The following DST variants were observed in gnomAD, a reference collection of about 807,000 sequenced individuals.
The protein encoded by DST is bullous pemphigoid antigen.
A neutral mutation model predicts 875.2 loss-of-function variants in DST; 253 were observed. That is an observed-to-expected ratio of 0.29 (90% CI 0.26 to 0.32). The LOEUF is 0.32. Among genes scored for constraint, DST ranks in the 10% least tolerant of loss-of-function variants. DST has a pLI of 1.00. For missense variants in DST, 8,287 were observed against 9,111.6 expected, an observed-to-expected ratio of 0.91 and a Z score of 3.68; for synonymous variants, 3,124 against 3,197.1, an observed-to-expected ratio of 0.98 and a Z score of 0.77.
At chr6:56,949,733 AAATT>A (rs1405467502) in intron 2 of DST, among the ~76,000 whole-genome samples, 1 of 152,258 alleles carries the variant, frequency 6.6e-6, no homozygotes, top group African/African-American at 2.4e-5. Context: ...AACTCTAGAC[AAATT>A]ATTTATTTAT....
intron 4 of DST, among the ~76,000 whole-genome samples, chr6:56,785,275 G>A (rs1008457734): frequency 6.6e-6 from 1 of 152,228 alleles, no homozygotes; most frequent in Non-Finnish European, 1.5e-5. Context: ...AGTCTGCAGA[G>A]GTTACTGCTG....
intron 4 of DST, among the ~76,000 whole-genome samples, chr6:56,769,188 TAAAA>T (rs2099642940): frequency 6.6e-6 from 1 of 152,050 alleles, no homozygotes; most frequent in African/African-American, 2.4e-5. Context: ...AATAAGCATA[TAAAA>T]AGATGCTCAA....
At chr6:56,586,873 A>T (rs181751366) in intron 49 of DST, among the ~76,000 whole-genome samples, 1 of 152,332 alleles carries the variant, frequency 6.6e-6, no homozygotes, top group African/African-American at 2.4e-5. Context: ...AGGAAAACTA[A>T]CAAACAGAAA....
chr6:56,781,273 C>T (rs1245408096), intron 4 of DST, among the ~76,000 whole-genome samples: 2 of 152,112 alleles, frequency 1.3e-5, no homozygotes, highest in Non-Finnish European at 2.9e-5. Flanking sequence ...TCATTGGTAG[C>T]TTGATGGGGA....
At chr6:56,785,544 C>T (rs550880704) in intron 4 of DST, among the ~76,000 whole-genome samples, 1 of 152,170 alleles carries the variant, frequency 6.6e-6, no homozygotes, top group African/African-American at 2.4e-5. Context: ...CCTGGTGCAC[C>T]GTTTCCTAAG....
At chr6:56,481,545 T>C (rs1286743639) in intron 90 of DST, among the ~76,000 whole-genome samples, 1 of 152,158 alleles carries the variant, frequency 6.6e-6, no homozygotes, top group Middle Eastern at 3.2e-3. Context: ...CTAAAAAGGA[T>C]TTAAAAGGCT....
At chr6:56,587,121 G>A (rs1378073706) in intron 49 of DST, among the ~76,000 whole-genome samples, 1 of 152,054 alleles carries the variant, frequency 6.6e-6, no homozygotes, top group African/African-American at 2.4e-5. Context: ...CCGAGCTACA[G>A]GAGGAAATTC....
intron 50 of DST, among the ~76,000 whole-genome samples, chr6:56,575,141 T>C (rs1223775349): frequency 2.0e-5 from 3 of 151,876 alleles, no homozygotes; most frequent in Non-Finnish European, 4.4e-5. Context: ...GAAAATGCCA[T>C]CGGCAGAGGA....
intron 9 of DST, among the ~76,000 whole-genome samples, chr6:56,678,959 T>C (rs1412890753): frequency 6.6e-6 from 1 of 152,174 alleles, no homozygotes; most frequent in Non-Finnish European, 1.5e-5. Flanking sequence ...CTATATAAAA[T>C]GGAATTCAAA....
rs754164327 is a variant in DST, at chr6:56,459,091, G to A, written c.23371C>T (p.Arg7791Trp). Reference sequence around the variant, plus strand: ...TTTGAAGGCTTCGCTGTGGATGGCCGAGAACCTGCTCGGGGTGTAGGTCTG... The same window carrying A: ...TTTGAAGGCTTCGCTGTGGATGGCCAAGAACCTGCTCGGGGTGTAGGTCTG... ...THRPTPRAGS[R>W]PSTAKPSKIP... The change falls in exon 104 of 104, where the codon CGG becomes TGG. Residue 7791 changes from arginine (R) to tryptophan (W), a missense_variant. Physicochemically the swap from Arg to Trp is moderately radical, Grantham distance 101. Coordinates refer to ENST00000680361, the MANE Select transcript of DST (RefSeq NM_001374736.1). 10 of 1,613,856 alleles carry A rather than the reference G, an allele frequency of 6.2e-6. No individual in the cohort carries two copies. In the South Asian group the frequency reaches 6.6e-5, roughly 11 times the overall value.
At position 56,476,208 on chromosome 6, in the gene DST, C is replaced by G; in HGVS notation, c.21805G>C (p.Asp7269His). Residue 7269 changes from aspartate to histidine, a missense_variant, in exon 92 of 104, where the codon GAT (aspartate) becomes CAT (histidine). Asp to His is a moderately conservative substitution (Grantham distance 81). This residue lies in a region of DST where 1,292 missense variants were observed against 1,552.7 expected (regional missense o/e 0.83). Coordinates refer to ENST00000680361, the MANE Select transcript of DST (RefSeq NM_001374736.1). ...QWAETTLTDK[D>H]KEVIPQEIEE... ...ATCTCCTGGGGGATGACTTCTTTAT[C>G]CTTATCAGTAAGTGTAGTTTCAGCC... 6.2e-7 allele frequency: 1 copy of G among 1,613,002 alleles called. No homozygotes were observed. Among genetic ancestry groups the G allele is most frequent in the Non-Finnish European group, 8.5e-7 (1 of 1,179,470 alleles).
At chr6:56,897,460 A>G (rs1791996892) in intron 3 of DST, among the ~76,000 whole-genome samples, 1 of 152,194 alleles carries the variant, frequency 6.6e-6, no homozygotes, top group Non-Finnish European at 1.5e-5. Flanking sequence ...CCTCCCGAGT[A>G]GCTGGGATTA....
At position 56,511,350 on chromosome 6, in the gene DST, G is replaced by T. The variant is rs571191953; in HGVS notation, c.18627C>A (p.Asn6209Lys). The T allele has an allele frequency of 6.2e-7, 1 of 1,608,276 alleles. No individual in the cohort carries two copies. The highest frequency in any genetic ancestry group is 2.2e-5 in the East Asian group (1 of 44,740). The change falls in exon 73 of 104, where the codon AAC becomes AAA. Residue 6209 changes from asparagine to lysine, a missense_variant. By Grantham distance (94) the Asn-to-Lys change is moderately conservative. Around this residue, in one of 10 missense-constraint regions of DST, gnomAD observed 1,292 missense variants for 1,552.7 expected, o/e 0.83. Coordinates refer to ENST00000680361, the MANE Select transcript of DST (RefSeq NM_001374736.1). ...AEHKPHIDKM[N>K]KTGPQLLELS... ...ATTCCAGTAACTGTGGCCCAGTTTT[G>T]TTCATCTTATCTATATGAGGCTTGT...
chr6:56,773,071 C>T (rs773483449), intron 4 of DST, among the ~76,000 whole-genome samples: 1 of 152,096 alleles, frequency 6.6e-6, no homozygotes. Flanking sequence ...AGCCTGGAAA[C>T]AGATCCACTA....
chr6:56,784,125 T>C (rs867170043), intron 4 of DST, among the ~76,000 whole-genome samples: 11 of 152,356 alleles, frequency 7.2e-5, no homozygotes, highest in Middle Eastern at 3.4e-3. Flanking sequence ...CCTTTGTGGG[T>C]AACTTGACCT....
At position 56,633,001 on chromosome 6, in the gene DST, G is replaced by C. The variant is rs2098794162; in HGVS notation, c.3658C>G (p.Leu1220Val). 2 of 1,613,828 alleles carry C rather than the reference G, an allele frequency of 1.2e-6. No individual in the cohort carries two copies. The highest frequency in any genetic ancestry group is 1.7e-5 in the Admixed American group (1 of 59,996). ...TMLPGEHQQV[L>V]SNLQSRFEDF... ...TCAAAACGAGATTGTAGATTACTTA[G>C]AACTTGCTGATGTTCACCAGGTAGC... The change falls in exon 28 of 104, where the codon CTA (leucine) becomes GTA (valine). Residue 1220 changes from leucine to valine, a missense_variant. Transcript: ENST00000680361.
chr6:56,634,331 GT>G (rs1375540921), intron 26 of DST, 73 bp from the exon 27 acceptor site: 5 of 1,609,154 alleles, frequency 3.1e-6, no homozygotes, highest in African/African-American at 1.3e-5. Flanking sequence ...TTTTCTTTTT[GT>G]GTGAAATATT....
At chr6:56,519,214 C>T (rs1336720454) in intron 69 of DST, among the ~76,000 whole-genome samples, 1 of 152,136 alleles carries the variant, frequency 6.6e-6, no homozygotes, top group Non-Finnish European at 1.5e-5. Flanking sequence ...AGTCCCAAAA[C>T]AAGCCTGCTC....
chr6:56,467,149 T>C (rs537405986), intron 98 of DST: 1 of 152,300 alleles, frequency 6.6e-6, no homozygotes, highest in Admixed American at 6.5e-5. Context: ...ACGGTTGTCA[T>C]CCCAGCAGAC....
Sources: allele counts gnomAD v4.1 joint callset (sites outside exome capture counted in the v4.1 genomes callset), GRCh38; gene constraint gnomAD v4.1.1; regional missense constraint gnomAD v4.1.1; transcripts MANE v1.5; gene names NCBI Gene and HGNC (gene_info 2026-07-23, HGNC 2026-07-21).